Variants in SYNE2 observed in about 807,000 individuals in gnomAD.
SYNE2 encodes the protein spectrin repeat containing nuclear envelope protein 2.
A neutral mutation model predicts 856.3 loss-of-function variants in SYNE2; 431 were observed. The ratio of observed to expected loss-of-function variants is 0.50; its 90% CI spans 0.47 to 0.55. The LOEUF is 0.55. SYNE2 is among the 20% of genes least tolerant of loss of function. SYNE2 has a pLI of 0.00. For missense variants in SYNE2, 8,129 were observed against 8,023.2 expected, an observed-to-expected ratio of 1.01 and a Z score of -0.50; for synonymous variants, 2,923 against 2,872.3, an observed-to-expected ratio of 1.02 and a Z score of -0.56.
rs1045873151 is a variant in SYNE2, at chr14:64,152,848, T to A, written c.15792+132T>A. ...ACACTGAAAAGTTGCTGAGAAAAAT[T>A]GAAGTAAATTAGAAGCATTTCAAGT... On this transcript the variant is annotated intron_variant, in intron 85 of 115. Transcript: ENST00000555002. 11 of 1,193,192 alleles carry A rather than the reference T, an allele frequency of 9.2e-6. No individual in the cohort carries two copies. In the Admixed American group the frequency reaches 1.2e-4, roughly 14 times the overall value. 73.9% of individuals were successfully genotyped at this position (1,193,192 alleles called of 1,614,324 possible).
chr14:63,780,663 AACTG>A (rs1285024928), intron 1 of SYNE2, among the ~76,000 whole-genome samples: 4 of 152,238 alleles, frequency 2.6e-5, no homozygotes, highest in Non-Finnish European at 5.9e-5. Context: ...TGGCTCTGGT[AACTG>A]ACCTTCATAA....
chr14:64,117,158 A>T (rs573804779), intron 66 of SYNE2, among the ~76,000 whole-genome samples: 3 of 152,326 alleles, frequency 2.0e-5, no homozygotes, highest in South Asian at 2.1e-4. Context: ...CTACAGAGTG[A>T]GTATCCCTTA....
intron 1 of SYNE2, among the ~76,000 whole-genome samples, chr14:63,819,968 A>T (rs548997632): frequency 6.6e-6 from 1 of 152,332 alleles, no homozygotes; most frequent in African/African-American, 2.4e-5. Context: ...GATTTGCAAG[A>T]CATATCTAGT....
intron 73 of SYNE2, among the ~76,000 whole-genome samples, chr14:64,127,698 A>G (rs147571102): frequency 7.9e-5 from 12 of 152,328 alleles, no homozygotes; most frequent in Admixed American, 4.6e-4. Flanking sequence ...TTAGGAAGCT[A>G]CTAAAATTAT....
At chr14:64,131,557 G>A (rs993230585) in intron 76 of SYNE2, among the ~76,000 whole-genome samples, 1 of 152,052 alleles carries the variant, frequency 6.6e-6, no homozygotes, top group Non-Finnish European at 1.5e-5. Flanking sequence ...AGTGACATCT[G>A]TTTTTTGTTT....
At chr14:64,182,144 G>A (rs1280828793) in intron 96 of SYNE2, among the ~76,000 whole-genome samples, 1 of 152,134 alleles carries the variant, frequency 6.6e-6, no homozygotes, top group Non-Finnish European at 1.5e-5. Context: ...CACAGGCAAG[G>A]CTTAGATGCT....
intron 1 of SYNE2, among the ~76,000 whole-genome samples, chr14:63,826,776 T>C (rs968630614): frequency 6.6e-6 from 1 of 152,184 alleles, no homozygotes; most frequent in Non-Finnish European, 1.5e-5. Context: ...GGGGGATATC[T>C]TTGTGACCTT....
At chr14:63,950,115 C>T (rs757007525) in intron 7 of SYNE2, 109 bp downstream of exon 7, 34 of 1,201,320 alleles carry the variant, frequency 2.8e-5, no homozygotes, top group Non-Finnish European at 4.2e-5. Flanking sequence ...CTCACTATCC[C>T]CCTTCCTCTC....
rs146894065 is a variant in SYNE2, at chr14:64,122,422, C to T, written c.13417C>T (p.Pro4473Ser). ...GCTCCCACTCCCTCAGCTTGTGGAG[C>T]CTCAGGTCAGTCTGTATCTACATGG... Reference protein sequence around the residue: ...IKLPLPQLVEPQVSTNMGILP... With the variant: ...IKLPLPQLVESQVSTNMGILP... Residue 4473 changes from proline (P) to serine (S), a missense_variant, in exon 70 of 116, where the codon CCT becomes TCT. Physicochemically the swap from Pro to Ser is moderately conservative, Grantham distance 74 (BLOSUM62 -1). Around this residue, in one of 3 missense-constraint regions of SYNE2, gnomAD observed 5,410 missense variants for 5,284.8 expected, o/e 1.02. Coordinates refer to ENST00000555002, the MANE Select transcript of SYNE2 (RefSeq NM_182914.3). 53 of 1,614,188 alleles carry T rather than the reference C, an allele frequency of 3.3e-5. No individual in the cohort carries two copies. In the African/African-American group the frequency reaches 6.7e-4, roughly 20 times the overall value.
At position 64,003,313 on chromosome 14, in the gene SYNE2, TC is replaced by T; in HGVS notation, c.4382del (p.Pro1461GlnfsTer3). The T allele has an allele frequency of 1.2e-6, 2 of 1,614,112 alleles. No individual in the cohort carries two copies. Among genetic ancestry groups the T allele is most frequent in the Non-Finnish European group, 1.7e-6 (2 of 1,180,008 alleles). ...SKIGLKDPTV[P>X]AVKHRKKSLI... ...AAATTGGTCTTAAGGATCCTACTGT[TC>T]CAGCTGTGAAACATCGGTAAGTATT... On this transcript the variant is annotated frameshift_variant, in exon 30 of 116. Transcript: ENST00000555002. LOFTEE classifies it high-confidence loss of function.
At chr14:63,939,336 A>ATTTTTT (rs11367073) in intron 2 of SYNE2, among the ~76,000 whole-genome samples, 1 of 133,428 alleles carries the variant, frequency 7.5e-6, no homozygotes. Context: ...TCCTACCTGG[A>ATTTTTT]TTTTTTTTTT....
chr14:64,113,316 T>G, intron 65 of SYNE2, 25 bp from the exon 66 acceptor site: 1 of 1,613,054 alleles, frequency 6.2e-7, no homozygotes, highest in Non-Finnish European at 8.5e-7. Context: ...TTGGACTCCC[T>G]GGCTTATCTT....
Position 63,944,824 on chromosome 14 carries a change from C to CTTTTTTTTTTTTTTTTTT in SYNE2, c.408+2689_408+2706dup, listed in dbSNP as rs55906748. 5.1e-4 allele frequency among the ~76,000 whole-genome samples: 24 copies of CTTTTTTTTTTTTTTTTTT among 46,948 alleles called. 1 individual carries two copies. Among genetic ancestry groups the CTTTTTTTTTTTTTTTTTT allele is most frequent in the South Asian group, 8.6e-4 (1 of 1,160 alleles). The allele number at this position is 46,948 out of a possible 152,430, so 30.8% of individuals were successfully genotyped here. ...GTGAGCCACCGTGCTGGGCTTAAAGCTTTTTTTTTTTTTTTTTTTTTTTTT... is the reference window on the plus strand; with the variant it reads ...GTGAGCCACCGTGCTGGGCTTAAAGCTTTTTTTTTTTTTTTTTTTTTTTTTTTTTTTTTTTTTTTTTTT... On this transcript the variant is annotated intron_variant, in intron 6 of 115. Coordinates refer to ENST00000555002, the MANE Select transcript of SYNE2 (RefSeq NM_182914.3).
chr14:64,008,793 C>G (rs1192797122), intron 31 of SYNE2, among the ~76,000 whole-genome samples: 2 of 152,154 alleles, frequency 1.3e-5, no homozygotes, highest in African/African-American at 4.8e-5. Flanking sequence ...CACCATCCCG[C>G]TTTGTTTCCG....
chr14:63,826,215 T>C (rs1160720665), intron 1 of SYNE2, among the ~76,000 whole-genome samples: 1 of 152,190 alleles, frequency 6.6e-6, no homozygotes, highest in East Asian at 1.9e-4. Flanking sequence ...ATCAATGGAA[T>C]AGCACTGAGA....
chr14:64,096,778 C>T (rs568025897), intron 61 of SYNE2, among the ~76,000 whole-genome samples: 14 of 152,292 alleles, frequency 9.2e-5, no homozygotes, highest in African/African-American at 2.9e-4. Context: ...CTTTAGAACT[C>T]TCTCTTGCAG....
intron 33 of SYNE2, among the ~76,000 whole-genome samples, 162 bp downstream of exon 33, chr14:64,016,793 A>T (rs1389507932): frequency 3.9e-5 from 6 of 152,354 alleles, no homozygotes; most frequent in African/African-American, 1.4e-4. Flanking sequence ...TGGGACTACT[A>T]ACAGATGGGT....
intron 2 of SYNE2, among the ~76,000 whole-genome samples, chr14:63,935,752 A>T (rs2095822775): frequency 6.6e-6 from 1 of 152,184 alleles, no homozygotes; most frequent in Non-Finnish European, 1.5e-5. Flanking sequence ...GGTGGCTCAC[A>T]CTTGTAATTC....
At chr14:63,772,768 A>T (rs1886964917) in intron 1 of SYNE2, among the ~76,000 whole-genome samples, 1 of 151,958 alleles carries the variant, frequency 6.6e-6, no homozygotes, top group South Asian at 2.1e-4. Context: ...CAAAACAAAA[A>T]TCTAAGCTAC....
Sources: allele counts gnomAD v4.1 joint callset (sites outside exome capture counted in the v4.1 genomes callset), GRCh38; gene constraint gnomAD v4.1.1; regional missense constraint gnomAD v4.1.1; transcripts MANE v1.5; gene names NCBI Gene and HGNC (gene_info 2026-07-23, HGNC 2026-07-21).